Variants in ZNF469 observed in about 807,000 individuals in gnomAD.
ZNF469 encodes zinc finger protein 469.
In ZNF469, 1 loss-of-function variant was observed where a neutral mutation model predicts 1.0. The observed-to-expected ratio is 1.00, with a 90% CI of 0.35 to 4.73. The LOEUF (loss-of-function observed/expected upper bound fraction) is 4.73, where lower values mean the gene tolerates loss of function less well. Ranked by LOEUF, ZNF469 falls within the 30% of genes most tolerant of loss-of-function variation. The pLI, the probability that ZNF469 is intolerant of heterozygous loss-of-function variation, is 0.16. For missense variants in ZNF469, 6,100 were observed against 5,356.3 expected, an observed-to-expected ratio of 1.14 and a Z score of -4.33; for synonymous variants, 2,703 against 2,363.4, an observed-to-expected ratio of 1.14 and a Z score of -4.17.
At chr16:88,301,246 C>T in the ZNF469 span, among the ~76,000 whole-genome samples, 1 of 151,908 alleles carries the variant, frequency 6.6e-6, no homozygotes, top group Non-Finnish European at 1.5e-5. Flanking sequence ...GCTTCACCTC[C>T]CAGGTTCACA....
the ZNF469 span, among the ~76,000 whole-genome samples, chr16:88,206,097 G>A: frequency 1.3e-5 from 2 of 152,210 alleles, no homozygotes; most frequent in African/African-American, 4.8e-5. Flanking sequence ...GACCCCCCGT[G>A]TTTTCCATGA....
At position 88,432,577 on chromosome 16, in the gene ZNF469, T is replaced by A. The variant is rs747069935; in HGVS notation, c.5107T>A (p.Ser1703Thr). The A allele has an allele frequency of 6.5e-7, 1 of 1,550,352 alleles. No individual in the cohort carries two copies. The highest frequency in any genetic ancestry group is 8.7e-7 in the Non-Finnish European group (1 of 1,146,980). Residue 1703 changes from serine to threonine, a missense_variant, in exon 3 of 3, where the codon TCC becomes ACC. Ser to Thr is a moderately conservative substitution (Grantham distance 58, BLOSUM62 1). Transcript: ENST00000565624. ...TCAGCCAGTGCAGAAAGCCGGAGCC[T>A]CCAAGACTGGACTTTGCCAGGCAGA... ...HFQPVQKAGASKTGLCQAEGD... is the reference protein window; with the variant it reads ...HFQPVQKAGATKTGLCQAEGD...
In ZNF469 at chr16:88,430,869, T is replaced by C. The variant is rs1483511618; in HGVS notation, c.3399T>C (p.Asp1133=). 1 of 1,536,552 alleles carries C rather than the reference T, an allele frequency of 6.5e-7. No individual in the cohort carries two copies. Among genetic ancestry groups the C allele is most frequent in the Admixed American group, 2.0e-5 (1 of 50,878 alleles). ...EVELTQGPRE[D]EPQKPRKAAR... ...AGCTGACCCAGGGTCCCAGAGAGGA[T>C]GAGCCACAGAAACCCCGGAAGGCGG... is the stretch of plus-strand genomic sequence containing the variant. The change falls in exon 3 of 3, where the codon GAT becomes GAC. Residue 1133 remains aspartate, a synonymous_variant. Coordinates refer to ENST00000565624, the MANE Select transcript of ZNF469 (RefSeq NM_001367624.2).
At chr16:88,156,467 G>A in the ZNF469 span, among the ~76,000 whole-genome samples, 3 of 152,280 alleles carry the variant, frequency 2.0e-5, no homozygotes, top group East Asian at 1.9e-4. Flanking sequence ...CAGGTGTCCC[G>A]GCACTGTTTG....
chr16:88,268,674 G>C, the ZNF469 span, among the ~76,000 whole-genome samples: 1 of 152,344 alleles, frequency 6.6e-6, no homozygotes, highest in South Asian at 2.1e-4. Context: ...ACACTGACCT[G>C]GGCCGCTGGG....
the ZNF469 span, among the ~76,000 whole-genome samples, chr16:88,169,857 C>T: frequency 2.8e-3 from 429 of 152,328 alleles, 4 homozygotes; most frequent in African/African-American, 9.8e-3. This position sits in a 1 kb window ranked among gnomAD's most constrained non-coding sequence, Gnocchi z 6.1. Context: ...CTCTGGCACA[C>T]GTGGGCCCAC....
the ZNF469 span, among the ~76,000 whole-genome samples, chr16:88,143,393 CTGGGGCGCCGAGCAGGG>C: frequency 6.6e-6 from 1 of 152,162 alleles, no homozygotes; most frequent in African/African-American, 2.4e-5. Flanking sequence ...GCAGAGCGGG[CTGGGGCGCCGAGCAGGG>C]TGGGGCACCG....
the ZNF469 span, among the ~76,000 whole-genome samples, chr16:88,236,975 T>A: frequency 6.6e-6 from 1 of 152,184 alleles, no homozygotes; most frequent in Middle Eastern, 3.4e-3. Context: ...GCTTTAGGTT[T>A]CAGAAAATAG....
the ZNF469 span, among the ~76,000 whole-genome samples, chr16:88,183,201 A>C: frequency 1.3e-5 from 2 of 152,246 alleles, no homozygotes; most frequent in African/African-American, 2.4e-5. Context: ...GCGCGCCTGG[A>C]GTCGCGGGCG....
the ZNF469 span, among the ~76,000 whole-genome samples, chr16:88,163,999 A>G: frequency 0.81 from 119,940 of 147,508 alleles, 49,124 homozygotes; most frequent in African/African-American, 0.85. Flanking sequence ...ATGGGTGGGT[A>G]GATATATGGA....
At chr16:88,244,984 G>C in the ZNF469 span, among the ~76,000 whole-genome samples, 2 of 152,098 alleles carry the variant, frequency 1.3e-5, no homozygotes, top group Non-Finnish European at 1.5e-5. Flanking sequence ...GAACTGATCA[G>C]AAGACCCATC....
chr16:88,155,880 G>A, the ZNF469 span, among the ~76,000 whole-genome samples: 53 of 152,268 alleles, frequency 3.5e-4, no homozygotes, highest in African/African-American at 1.2e-3. Flanking sequence ...AGTGCATGAG[G>A]GCCTCGTCAT....
chr16:88,242,912 T>G, the ZNF469 span, among the ~76,000 whole-genome samples: 2 of 152,062 alleles, frequency 1.3e-5, no homozygotes, highest in Non-Finnish European at 2.9e-5. Context: ...AAACCATGAG[T>G]CAAGGAAAAT....
the ZNF469 span, among the ~76,000 whole-genome samples, chr16:88,125,103 A>G: frequency 3.3e-5 from 5 of 152,060 alleles, no homozygotes. Context: ...ATGAATTTGC[A>G]GTTGTGCCAG....
At chr16:88,255,030 C>T in the ZNF469 span, among the ~76,000 whole-genome samples, 12 of 152,158 alleles carry the variant, frequency 7.9e-5, no homozygotes, top group Non-Finnish European at 4.4e-5. Flanking sequence ...TGTTCAGTAG[C>T]TTCTTTTCTT....
chr16:88,243,911 C>CATATACATATATATAT, the ZNF469 span, among the ~76,000 whole-genome samples: 39 of 26,272 alleles, frequency 1.5e-3, 3 homozygotes, highest in Admixed American at 3.9e-3. Context: ...TGGCTGGATG[C>CATATACATATATATAT]ATATATATAT....
the ZNF469 span, among the ~76,000 whole-genome samples, chr16:88,256,358 C>T: frequency 6.6e-6 from 1 of 152,188 alleles, no homozygotes; most frequent in Non-Finnish European, 1.5e-5. Flanking sequence ...ACTTACATGT[C>T]CTCCACATCC....
At chr16:88,406,193 C>T (rs1332364307) in intron 1 of ZNF469, among the ~76,000 whole-genome samples, 1 of 152,204 alleles carries the variant, frequency 6.6e-6, no homozygotes, top group African/African-American at 2.4e-5. Flanking sequence ...TTCCGTGGGG[C>T]CCAGAGCTGA....
At chr16:88,358,528 C>T in the ZNF469 span, among the ~76,000 whole-genome samples, 1 of 152,020 alleles carries the variant, frequency 6.6e-6, no homozygotes, top group African/African-American at 2.4e-5. Context: ...CAGCCACCAG[C>T]CTGCCACTCC....
Sources: allele counts gnomAD v4.1 joint callset (sites outside exome capture counted in the v4.1 genomes callset), GRCh38; gene constraint gnomAD v4.1.1; non-coding constraint Gnocchi (gnomAD v3.1); transcripts MANE v1.5; gene names NCBI Gene and HGNC (gene_info 2026-07-23, HGNC 2026-07-21).